The following KMT2C variants were observed in gnomAD, a reference collection of about 807,000 sequenced individuals.
KMT2C encodes the protein histone-lysine N-methyltransferase 2C.
In KMT2C, 88 loss-of-function variants were observed where a neutral mutation model predicts 507.9. The ratio of observed to expected loss-of-function variants is 0.17; its 90% CI spans 0.15 to 0.21. KMT2C has a LOEUF of 0.21. Ranked by LOEUF, KMT2C falls within the 10% of genes least tolerant of loss-of-function variation. KMT2C has a pLI of 1.00. For missense variants in KMT2C, 4,954 were observed against 5,957.8 expected, an observed-to-expected ratio of 0.83 and a Z score of 5.55; for synonymous variants, 2,049 against 2,080.8, an observed-to-expected ratio of 0.98 and a Z score of 0.42.
chr7:152,205,314 G>A, intron 24 of KMT2C, 89 bp from the exon 25 acceptor site: 1 of 764,142 alleles, frequency 1.3e-6, no homozygotes, highest in Non-Finnish European at 1.9e-6. Context: ...ATCTTGAATA[G>A]TAAGTCATTT....
chr7:152,191,570 A>G (rs1207141349), intron 31 of KMT2C, among the ~76,000 whole-genome samples: 4 of 152,148 alleles, frequency 2.6e-5, no homozygotes, highest in Non-Finnish European at 5.9e-5. Flanking sequence ...CTCGTCCCAA[A>G]TTTATTCCCA....
chr7:152,262,280 T>C (rs200626365), intron 9 of KMT2C, among the ~76,000 whole-genome samples: 1 of 151,948 alleles, frequency 6.6e-6, no homozygotes, highest in Non-Finnish European at 1.5e-5. Context: ...CGGGCCATCA[T>C]GCCCTCTCCA....
rs4726146 is a variant in KMT2C at position 152,297,091 on chromosome 7, G to C, written c.849+12875C>G. On this transcript the variant is annotated intron_variant, in intron 6 of 58. Transcript: ENST00000262189. The stretch of plus-strand genomic sequence containing the variant: ...AGAGAGAGAGAGAGAGAGAGAGAGA[G>C]AGAAAGAAAGAAAGACGTGAATATA... Among the ~76,000 whole-genome samples the C allele has an allele frequency of 9.4e-4, 139 of 147,392 alleles. 1 individual carries two copies. Among genetic ancestry groups the C allele is most frequent in the Admixed American group, 8.4e-3 (124 of 14,830 alleles).
chr7:152,331,771 C>T (rs2096886419), intron 2 of KMT2C, among the ~76,000 whole-genome samples: 1 of 150,842 alleles, frequency 6.6e-6, no homozygotes, highest in Admixed American at 6.6e-5. Flanking sequence ...GCCTCAGCCT[C>T]CTGAATAGCT....
intron 1 of KMT2C, among the ~76,000 whole-genome samples, chr7:152,426,948 G>C (rs533723706): frequency 2.0e-5 from 3 of 152,120 alleles, no homozygotes; most frequent in Middle Eastern, 3.4e-3. Flanking sequence ...GAAGTATTAA[G>C]CTTTTTTCTT....
At chr7:152,368,072 G>A in intron 1 of KMT2C, 1 of 883,542 alleles carries the variant, frequency 1.1e-6, no homozygotes, top group South Asian at 1.3e-5. Flanking sequence ...AAAAGGTAAA[G>A]GACTGTTTAC....
At chr7:152,302,697 A>C (rs2096580413) in intron 6 of KMT2C, among the ~76,000 whole-genome samples, 1 of 151,900 alleles carries the variant, frequency 6.6e-6, no homozygotes, top group African/African-American at 2.4e-5. Flanking sequence ...GATGGAGTGC[A>C]GTGGCGAAAA....
chr7:152,332,386 C>A (rs771860447), intron 2 of KMT2C, among the ~76,000 whole-genome samples: 1 of 152,178 alleles, frequency 6.6e-6, no homozygotes, highest in South Asian at 2.1e-4. Flanking sequence ...TTTATTTAGA[C>A]CTTTCTGCAT....
At position 152,358,681 on chromosome 7, in the gene KMT2C, G is replaced by C; in HGVS notation, c.162-6C>G. 4 of 1,248,480 alleles carry C rather than the reference G, an allele frequency of 3.2e-6. No homozygotes were observed. The highest frequency in any genetic ancestry group is 4.4e-6 in the Non-Finnish European group (4 of 906,368). The allele number at this position is 1,248,480 out of a possible 1,614,324, so 77.3% of individuals were successfully genotyped here. ...TTTTCCCCCTACTTCGAGGTCTACAGAAAAAAAAAAAAATAATAAGTACAT... is the reference window on the plus strand; with the variant it reads ...TTTTCCCCCTACTTCGAGGTCTACACAAAAAAAAAAAAATAATAAGTACAT... On this transcript the variant is annotated splice_polypyrimidine_tract_variant and splice_region_variant and intron_variant, in intron 1 of 58. Transcript: ENST00000262189.
chr7:152,417,951 T>TA (rs748980838), intron 1 of KMT2C, among the ~76,000 whole-genome samples: 3,264 of 110,932 alleles, frequency 0.029, 119 homozygotes, highest in African/African-American at 0.1. Context: ...CTCTTTCTTT[T>TA]AAAAAAAAAA....
At chr7:152,414,713 C>G (rs1018563977) in intron 1 of KMT2C, among the ~76,000 whole-genome samples, 1 of 151,784 alleles carries the variant, frequency 6.6e-6, no homozygotes, top group Non-Finnish European at 1.5e-5. Flanking sequence ...TCAGGCCGAT[C>G]TCAAATTCTA....
intron 6 of KMT2C, among the ~76,000 whole-genome samples, chr7:152,282,496 A>G (rs1426092827): frequency 6.6e-6 from 1 of 152,262 alleles, no homozygotes; most frequent in Non-Finnish European, 1.5e-5. Context: ...AATACTATAC[A>G]TCAATGAGAA....
chr7:152,315,048 A>T, intron 4 of KMT2C, 90 bp downstream of exon 4: 1 of 1,119,442 alleles, frequency 8.9e-7, no homozygotes, highest in Non-Finnish European at 1.3e-6. Flanking sequence ...CAACAAGAAC[A>T]ATCCCATTTG....
chr7:152,209,691 G>A (rs1054121079), intron 23 of KMT2C, among the ~76,000 whole-genome samples: 1 of 147,326 alleles, frequency 6.8e-6, no homozygotes, highest in Admixed American at 6.9e-5. Flanking sequence ...AGTGAGTTAT[G>A]ATCACACTAC....
intron 1 of KMT2C, among the ~76,000 whole-genome samples, chr7:152,412,805 C>T (rs2097696996): frequency 6.6e-6 from 1 of 152,208 alleles, no homozygotes; most frequent in Non-Finnish European, 1.5e-5. Context: ...CAAGTTCTGA[C>T]TTTCTTATTG....
In KMT2C at chr7:152,156,236, A is replaced by G. The variant is rs2129099807; in HGVS notation, c.11781T>C (p.Ala3927=). The change falls in exon 45 of 59, where the codon GCT becomes GCC. Residue 3927 remains alanine (A), a synonymous_variant. Coordinates refer to ENST00000262189, the MANE Select transcript of KMT2C (RefSeq NM_170606.3). ...ANGFATTEEL[A]GKAGVLVSHE... ...GGCTCACTAACACTCCGGCTTTTCC[A>G]GCAAGTTCTTCAGTTGTTGCAAAAC... 6.2e-7 allele frequency: 1 copy of G among 1,614,164 alleles called. No homozygotes were observed. Among genetic ancestry groups the G allele is most frequent in the African/African-American group, 1.3e-5 (1 of 75,040 alleles).
intron 1 of KMT2C, among the ~76,000 whole-genome samples, chr7:152,372,554 A>G (rs1017541679): frequency 1.3e-5 from 2 of 152,208 alleles, no homozygotes; most frequent in Non-Finnish European, 2.9e-5. Context: ...ATGGAAAAAG[A>G]TATTCCACAC....
chr7:152,253,539 AAAAAT>A (rs1268976430), intron 9 of KMT2C, among the ~76,000 whole-genome samples: 10 of 150,242 alleles, frequency 6.7e-5, no homozygotes, highest in African/African-American at 2.5e-4. Context: ...AAAAAAAAAA[AAAAAT>A]TTAATTAGCC....
intron 1 of KMT2C, among the ~76,000 whole-genome samples, chr7:152,400,537 C>T (rs1010882636): frequency 1.3e-5 from 2 of 152,094 alleles, no homozygotes; most frequent in African/African-American, 4.8e-5. Flanking sequence ...TTTTCCTCAC[C>T]AACAACAATG....
Sources: gnomAD v4.1 joint callset for allele counts (sites outside exome capture counted in the v4.1 genomes callset) on GRCh38, gnomAD v4.1.1 for gene constraint, MANE v1.5 for transcripts, NCBI Gene and HGNC (gene_info 2026-07-23, HGNC 2026-07-21) for gene names.